ZHX3: variants seen among roughly 807,000 people sequenced by gnomAD.
ZHX3 encodes zinc fingers and homeoboxes protein 3.
In ZHX3, 20 loss-of-function variants were observed where a neutral mutation model predicts 64.5. The ratio of observed to expected loss-of-function variants is 0.31; its 90% CI spans 0.22 to 0.45. The LOEUF (loss-of-function observed/expected upper bound fraction) is 0.45, where lower values mean the gene tolerates loss of function less well. Among genes scored for constraint, ZHX3 ranks in the 20% least tolerant of loss-of-function variants. The pLI, the probability that ZHX3 is intolerant of heterozygous loss-of-function variation, is 1.00. For missense variants in ZHX3, 1,041 were observed against 1,195.8 expected, an observed-to-expected ratio of 0.87 and a Z score of 1.91; for synonymous variants, 423 against 461.6, an observed-to-expected ratio of 0.92 and a Z score of 1.07.
chr20:41,201,481 C>T lies in ZHX3; in HGVS notation c.2860+576G>A, dbSNP rs6102302. 5.0e-3 allele frequency: 4,561 copies of T among 918,106 alleles called. 143 individuals carry two copies. In the African/African-American group the frequency reaches 0.071, roughly 14 times the overall value. 56.9% of individuals were successfully genotyped at this position (918,106 alleles called of 1,614,324 possible). Reference sequence around the variant, plus strand: ...CTATGATACATTTTGCTTTCGAGTACAATCCAGAGAAACTGAGGAACAAAA... The same window carrying T: ...CTATGATACATTTTGCTTTCGAGTATAATCCAGAGAAACTGAGGAACAAAA... On this transcript the variant is annotated intron_variant, in intron 3 of 3. Coordinates refer to ENST00000683867, the MANE Select transcript of ZHX3 (RefSeq NM_001384317.1). This position sits in a 1 kb window ranked among gnomAD's most constrained non-coding sequence, Gnocchi z 5.0.
chr20:41,230,365 C>A (rs2040526920), intron 2 of ZHX3, among the ~76,000 whole-genome samples: 1 of 152,086 alleles, frequency 6.6e-6, no homozygotes, highest in Non-Finnish European at 1.5e-5. Flanking sequence ...AGCTCCTCTC[C>A]TCTTGTGTTT....
In ZHX3 at chr20:41,204,458, C is replaced by A. The variant is rs757212223; in HGVS notation, c.459G>T (p.Gln153His). 1 of 1,614,110 alleles carries A rather than the reference C, an allele frequency of 6.2e-7. No homozygotes were observed. Among genetic ancestry groups the A allele is most frequent in the Admixed American group, 1.7e-5 (1 of 60,010 alleles). The change falls in exon 3 of 4, where the codon CAG (glutamine) becomes CAT (histidine). Residue 153 changes from glutamine to histidine, a missense_variant. Gln to His is a conservative substitution (Grantham distance 24). Coordinates refer to ENST00000683867, the MANE Select transcript of ZHX3 (RefSeq NM_001384317.1). The surrounding 1 kb of genome is among the most constrained non-coding windows in gnomAD (Gnocchi z 6.6). ...AKPDNHVVVE[Q>H]SIPESTSTPD... ...GAGTGCTGGTGCTCTCAGGGATGCT[C>A]TGCTCCACAACCACATGATTGTCTG...
intron 2 of ZHX3, among the ~76,000 whole-genome samples, chr20:41,256,185 G>A (rs533015352): frequency 1.3e-5 from 2 of 152,256 alleles, no homozygotes; most frequent in Non-Finnish European, 2.9e-5. Context: ...GAGTGAGGTA[G>A]GTGTGCTGGC....
intron 2 of ZHX3, among the ~76,000 whole-genome samples, chr20:41,234,474 A>T (rs941906215): frequency 6.6e-6 from 1 of 152,142 alleles, no homozygotes; most frequent in Non-Finnish European, 1.5e-5. Context: ...CATTTTATAC[A>T]CATAAACCAA....
intron 2 of ZHX3, among the ~76,000 whole-genome samples, chr20:41,266,422 A>G (rs1456128351): frequency 6.6e-6 from 1 of 152,048 alleles, no homozygotes; most frequent in East Asian, 1.9e-4. Flanking sequence ...CCATCCTACC[A>G]GTTATCTAAC....
chr20:41,264,433 C>A (rs962452100), intron 2 of ZHX3, among the ~76,000 whole-genome samples: 2 of 148,290 alleles, frequency 1.3e-5, no homozygotes, highest in African/African-American at 5.0e-5. Context: ...GTGGCACATG[C>A]CTGTAATCTC....
chr20:41,285,776 A>G (rs1217836561), intron 1 of ZHX3, among the ~76,000 whole-genome samples: 2 of 152,212 alleles, frequency 1.3e-5, no homozygotes, highest in African/African-American at 4.8e-5. Context: ...CTTAATAACT[A>G]GTGTTATCAC....
At chr20:41,244,574 T>C (rs763953919) in intron 2 of ZHX3, among the ~76,000 whole-genome samples, 1 of 152,142 alleles carries the variant, frequency 6.6e-6, no homozygotes, top group African/African-American at 2.4e-5. Context: ...TGAGGGCCCT[T>C]TGATGAATGT....
chr20:41,291,591 C>CCATA (rs144701213), intron 1 of ZHX3, among the ~76,000 whole-genome samples: 5 of 150,858 alleles, frequency 3.3e-5, no homozygotes, highest in African/African-American at 1.2e-4. Flanking sequence ...TATATATATA[C>CCATA]TATATATTTT....
Position 41,221,501 on chromosome 20 carries a change from T to C in ZHX3, c.-150-16435A>G, listed in dbSNP as rs542469200. 5.9e-5 allele frequency among the ~76,000 whole-genome samples: 9 copies of C among 152,072 alleles called. No individual in the cohort carries two copies. The East Asian group carries it at 1.7e-3, about 29-fold the overall frequency. On this transcript the variant is annotated intron_variant, in intron 2 of 3. Coordinates refer to ENST00000683867, the MANE Select transcript of ZHX3 (RefSeq NM_001384317.1). ...CTTTTCTATGCCAGACATGCCAGAA[T>C]ATGGGGAAGACAAAAAAAAATAGAT...
At chr20:41,298,943 C>G (rs889108282) in intron 1 of ZHX3, among the ~76,000 whole-genome samples, 2 of 147,810 alleles carry the variant, frequency 1.4e-5, no homozygotes, top group Non-Finnish European at 3.0e-5. Context: ...GAAGACTGTT[C>G]TTGTGCTAAC....
At chr20:41,263,426 G>A (rs1470860957) in intron 2 of ZHX3, among the ~76,000 whole-genome samples, 3 of 146,862 alleles carry the variant, frequency 2.0e-5, no homozygotes, top group African/African-American at 5.1e-5. Flanking sequence ...ATGGAGTCTC[G>A]CTCTGTTGCC....
intron 1 of ZHX3, among the ~76,000 whole-genome samples, chr20:41,287,958 T>A (rs2044021212): frequency 6.6e-6 from 1 of 152,220 alleles, no homozygotes; most frequent in Non-Finnish European, 1.5e-5. Context: ...AAGACACCAC[T>A]CTATATGCAC....
intron 3 of ZHX3, among the ~76,000 whole-genome samples, chr20:41,198,472 T>C (rs984909487): frequency 2.6e-5 from 4 of 152,070 alleles, no homozygotes; most frequent in African/African-American, 9.7e-5. Context: ...TACAGAAATC[T>C]TGGTTTAGAG....
chr20:41,204,260 C>A lies in ZHX3; in HGVS notation c.657G>T (p.Ser219=). 6.2e-7 allele frequency: 1 copy of A among 1,614,130 alleles called. No individual in the cohort carries two copies. Among genetic ancestry groups the A allele is most frequent in the South Asian group, 1.1e-5 (1 of 91,066 alleles). The change falls in exon 3 of 4, where the codon TCG becomes TCT. Residue 219 remains serine (S), a synonymous_variant. Transcript: ENST00000683867. The surrounding 1 kb of genome is among the most constrained non-coding windows in gnomAD (Gnocchi z 6.6). The part of the protein sequence containing the change: ...QPVGEALPKL[S]TGEMEVREGD... ...CCTCTCTCACCTCCATTTCTCCAGT[C>A]GACAGCTTTGGTAAGGCCTCACCCA...
intron 2 of ZHX3, among the ~76,000 whole-genome samples, chr20:41,231,064 T>C (rs1023341706): frequency 2.6e-5 from 4 of 152,272 alleles, no homozygotes; most frequent in Non-Finnish European, 4.4e-5. Context: ...ACTGATCATT[T>C]ACTGTCTCTA....
rs879139635 is a variant in ZHX3, at chr20:41,201,959, G to T, written c.2860+98C>A. 4.9e-6 allele frequency: 7 copies of T among 1,420,066 alleles called. No individual in the cohort carries two copies. The South Asian group carries it at 7.5e-5, about 15-fold the overall frequency. 88.0% of individuals were successfully genotyped at this position (1,420,066 alleles called of 1,614,324 possible). Reference sequence around the variant, plus strand: ...AATGCTGCTGCCAGGCAGCCTTAGAGACAGCAGATGCCCCTGTGCAGTAAA... The same window carrying T: ...AATGCTGCTGCCAGGCAGCCTTAGATACAGCAGATGCCCCTGTGCAGTAAA... On this transcript the variant is annotated intron_variant, in intron 3 of 3. Coordinates refer to ENST00000683867, the MANE Select transcript of ZHX3 (RefSeq NM_001384317.1). The surrounding 1 kb of genome is among the most constrained non-coding windows in gnomAD (Gnocchi z 5.0).
Position 41,203,932 on chromosome 20 carries a change from G to A in ZHX3, c.985C>T (p.Pro329Ser). The A allele has an allele frequency of 3.7e-6, 6 of 1,614,220 alleles. No individual in the cohort carries two copies. The highest frequency in any genetic ancestry group is 5.1e-6 in the Non-Finnish European group (6 of 1,180,034). Residue 329 changes from proline to serine, a missense_variant, in exon 3 of 4, where the codon CCC becomes TCC. Transcript: ENST00000683867. This position sits in a 1 kb window ranked among gnomAD's most constrained non-coding sequence, Gnocchi z 7.1. ...LKNSFHKFPY[P>S]TKAELCYLTV... ...AAATAGCAGAGCTCGGCTTTGGTGG[G>A]GTAGGGGAACTTGTGGAAGGAGTTC...
rs193159449 is a variant in ZHX3, at chr20:41,233,045, C to T, written c.-150-27979G>A. On this transcript the variant is annotated intron_variant, in intron 2 of 3. Coordinates refer to ENST00000683867, the MANE Select transcript of ZHX3 (RefSeq NM_001384317.1). ...CATTTCTCCCTGTTACCAGGAGGTA[C>T]CAGGAAGCCTGTTACACAAGCAACC... 3.9e-5 allele frequency among the ~76,000 whole-genome samples: 6 copies of T among 152,292 alleles called. No homozygotes were observed. The East Asian group carries it at 1.2e-3, about 29-fold the overall frequency.
Sources: gnomAD v4.1 joint callset for allele counts (sites outside exome capture counted in the v4.1 genomes callset) on GRCh38, gnomAD v4.1.1 for gene constraint, Gnocchi (gnomAD v3.1) non-coding constraint, MANE v1.5 for transcripts, NCBI Gene and HGNC (gene_info 2026-07-23, HGNC 2026-07-21) for gene names.